Variants in GTF2F2 observed in about 807,000 individuals in gnomAD.
GTF2F2 encodes ATP-dependent helicase GTF2F2.
In GTF2F2, 23 loss-of-function variants were observed where a neutral mutation model predicts 42.2. The observed-to-expected ratio is 0.55, with a 90% confidence interval of 0.39 to 0.77. The LOEUF is 0.77. Among genes scored for constraint, GTF2F2 ranks in the 30% least tolerant of loss-of-function variants. The pLI is 0.00. For synonymous variants in GTF2F2, 105 were observed against 100.8 expected (o/e 1.04, Z -0.25); for missense variants, 261 against 287.2 (o/e 0.91, Z 0.66).
chr13:45,218,611 T>C (rs1356743186), intron 5 of GTF2F2, among the ~76,000 whole-genome samples: 3 of 152,240 alleles, frequency 2.0e-5, no homozygotes, highest in East Asian at 3.8e-4. Context: ...TCAAATAAAC[T>C]TGCCTGTCCT....
intron 4 of GTF2F2, among the ~76,000 whole-genome samples, chr13:45,186,178 T>C (rs1028733619): frequency 6.6e-6 from 1 of 152,076 alleles, no homozygotes; most frequent in African/African-American, 2.4e-5. Flanking sequence ...TTTTGCCATG[T>C]TGCCCTGGCT....
At chr13:45,186,062 C>CAGTGAGGTT (rs1271941759) in intron 4 of GTF2F2, among the ~76,000 whole-genome samples, 2 of 151,900 alleles carry the variant, frequency 1.3e-5, no homozygotes, top group African/African-American at 4.8e-5. Context: ...GCAACCTCTG[C>CAGTGAGGTT]CTCCTGGGTT....
rs533464310 is a variant in GTF2F2 at position 45,202,321 on chromosome 13, A to G, written c.305-5103A>G. On this transcript the variant is annotated intron_variant, in intron 4 of 7. Transcript: ENST00000340473. ...AGAATCGCTTGAACCCAGGAGGCGG[A>G]GGTTGCGGTGAGCCAAGATCGCGCC... Among the ~76,000 whole-genome samples, 338 of 152,308 alleles carry G rather than the reference A, an allele frequency of 2.2e-3. 4 individuals are homozygous for G. Among genetic ancestry groups the G allele is most frequent in the African/African-American group, 7.7e-3 (319 of 41,560 alleles).
chr13:45,213,728 CA>C (rs1211985556), intron 5 of GTF2F2, among the ~76,000 whole-genome samples: 5 of 151,752 alleles, frequency 3.3e-5, no homozygotes, highest in African/African-American at 1.2e-4. Flanking sequence ...ATAGAAATGG[CA>C]AAGGTAGGTA....
intron 5 of GTF2F2, among the ~76,000 whole-genome samples, chr13:45,218,503 T>C (rs1318474316): frequency 6.6e-6 from 1 of 152,218 alleles, no homozygotes; most frequent in African/African-American, 2.4e-5. Context: ...CATTGTGCAC[T>C]ATAAAACAGG....
At chr13:45,238,993 G>A (rs1161933649) in intron 5 of GTF2F2, among the ~76,000 whole-genome samples, 2 of 151,206 alleles carry the variant, frequency 1.3e-5, no homozygotes, top group Non-Finnish European at 2.9e-5. Context: ...ATATATTGCA[G>A]TGAATAAATT....
intron 1 of GTF2F2, chr13:45,124,033 G>T: frequency 8.8e-7 from 1 of 1,134,292 alleles, no homozygotes; most frequent in Non-Finnish European, 1.3e-6. Flanking sequence ...AGGCCATGTG[G>T]GCCATGAGGT....
At chr13:45,257,888 T>G (rs1250708202) in intron 6 of GTF2F2, among the ~76,000 whole-genome samples, 2 of 152,172 alleles carry the variant, frequency 1.3e-5, no homozygotes, top group Non-Finnish European at 2.9e-5. Flanking sequence ...GCTTTCAGCT[T>G]TTTAGCATTG....
At chr13:45,255,630 A>C (rs940749820) in intron 6 of GTF2F2, among the ~76,000 whole-genome samples, 1 of 152,196 alleles carries the variant, frequency 6.6e-6, no homozygotes, top group Non-Finnish European at 1.5e-5. Flanking sequence ...AGTCTTTTCT[A>C]CTGTTGGATG....
Position 45,161,849 on chromosome 13 carries a change from G to GA in GTF2F2, c.304+10024dup, listed in dbSNP as rs535239282. ...CAAGAGCGAAACTCTGTCTCAAAAA[G>GA]AAAAAATGAATACAGTACATATTTT... On this transcript the variant is annotated intron_variant, in intron 4 of 7. Coordinates refer to ENST00000340473, the MANE Select transcript of GTF2F2 (RefSeq NM_004128.3). Among the ~76,000 whole-genome samples, 8 of 152,004 alleles carry GA rather than the reference G, an allele frequency of 5.3e-5. No homozygotes were observed. In the South Asian group the frequency reaches 1.7e-3, roughly 32 times the overall value.
chr13:45,171,309 TC>T (rs750911852), intron 4 of GTF2F2, among the ~76,000 whole-genome samples: 2 of 152,018 alleles, frequency 1.3e-5, no homozygotes, highest in Non-Finnish European at 2.9e-5. Flanking sequence ...GAATTGGTGA[TC>T]CGCCCACCTT....
intron 5 of GTF2F2, among the ~76,000 whole-genome samples, chr13:45,217,039 G>A (rs1365824583): frequency 2.6e-5 from 4 of 151,484 alleles, no homozygotes; most frequent in Non-Finnish European, 4.4e-5. Context: ...AGTGGCTCAC[G>A]CCTGTAATCC....
At position 45,132,535 on chromosome 13, in the gene GTF2F2, A is replaced by G. The variant is rs1489663283; in HGVS notation, c.67-4198A>G. On this transcript the variant is annotated intron_variant, in intron 1 of 7. Coordinates refer to ENST00000340473, the MANE Select transcript of GTF2F2 (RefSeq NM_004128.3). ...CACTGAGAAAGCAATGAGAGAAGACAGAAGTTATAATCTTATGTAACCTAA... is the reference window on the plus strand; with the variant it reads ...CACTGAGAAAGCAATGAGAGAAGACGGAAGTTATAATCTTATGTAACCTAA... Among the ~76,000 whole-genome samples the G allele has an allele frequency of 5.3e-5, 8 of 152,226 alleles. No homozygotes were observed. The East Asian group carries it at 1.3e-3, about 26-fold the overall frequency.
intron 5 of GTF2F2, among the ~76,000 whole-genome samples, chr13:45,240,101 ATTTTTTTTTTTTT>A (rs34744288): frequency 1.1e-5 from 1 of 91,104 alleles, no homozygotes; most frequent in South Asian, 3.9e-4. Flanking sequence ...ATGTAGAGGG[ATTTTTTTTTTTTT>A]TTTTTTTTTT....
At chr13:45,138,906 A>G (rs145329983) in intron 2 of GTF2F2, among the ~76,000 whole-genome samples, 2,407 of 152,282 alleles carry the variant, frequency 0.016, 25 homozygotes, top group Middle Eastern at 0.065. Flanking sequence ...TTGGCCTCCT[A>G]AAGTGCTGGG....
At chr13:45,158,454 T>TA (rs1271703585) in intron 4 of GTF2F2, among the ~76,000 whole-genome samples, 4 of 152,236 alleles carry the variant, frequency 2.6e-5, no homozygotes, top group Non-Finnish European at 5.9e-5. Flanking sequence ...AACAGACTAA[T>TA]ACACCACTTA....
At chr13:45,127,706 C>T (rs528173606) in intron 1 of GTF2F2, among the ~76,000 whole-genome samples, 3 of 152,118 alleles carry the variant, frequency 2.0e-5, no homozygotes, top group South Asian at 4.1e-4. Flanking sequence ...GATCTTGGCT[C>T]ACTACAACCT....
intron 4 of GTF2F2, among the ~76,000 whole-genome samples, chr13:45,197,434 G>A (rs1343008423): frequency 4.6e-5 from 7 of 151,318 alleles, no homozygotes; most frequent in South Asian, 2.1e-4. Flanking sequence ...GCCTGAGCCC[G>A]GGAGGTGGAG....
At chr13:45,228,887 C>G (rs946729699) in intron 5 of GTF2F2, among the ~76,000 whole-genome samples, 4 of 152,060 alleles carry the variant, frequency 2.6e-5, no homozygotes, top group African/African-American at 9.7e-5. Context: ...TCAGGTTGGT[C>G]TCGAACTTCC....
Sources: allele counts gnomAD v4.1 joint callset (sites outside exome capture counted in the v4.1 genomes callset), GRCh38; gene constraint gnomAD v4.1.1; transcripts MANE v1.5; gene names NCBI Gene and HGNC (gene_info 2026-07-23, HGNC 2026-07-21).